RBM39: variants seen among roughly 807,000 people sequenced by gnomAD.
The protein encoded by RBM39 is RNA-binding protein 39.
In RBM39, 12 loss-of-function variants were observed where a neutral mutation model predicts 79.6. That is an observed-to-expected ratio of 0.15 (90% CI 0.10 to 0.24). The LOEUF is 0.24. RBM39 is among the 10% of genes least tolerant of loss of function. The probability of loss-of-function intolerance (pLI) is 1.00; values close to 1 mark genes in which losing one functional copy is unlikely to be tolerated. For missense variants in RBM39, 243 were observed against 653.4 expected (o/e 0.37, Z 6.85); for synonymous variants, 185 against 208.4 (o/e 0.89, Z 0.97).
At chr20:35,731,431 T>A (rs1263795872) in intron 4 of RBM39, 2 of 153,252 alleles carry the variant, frequency 1.3e-5, no homozygotes, top group African/African-American at 4.8e-5. Flanking sequence ...AGGATCTTTA[T>A]CAATGAGCAT....
rs111686906 is a variant in RBM39 at position 35,711,686 on chromosome 20, A to G, written c.1174+1333T>C. Among the ~76,000 whole-genome samples the G allele has an allele frequency of 7.2e-5, 11 of 152,354 alleles. 1 individual carries two copies. Among genetic ancestry groups the G allele is most frequent in the African/African-American group, 2.6e-4 (11 of 41,574 alleles). On this transcript the variant is annotated intron_variant, in intron 12 of 16. Transcript: ENST00000253363. ...TAAGAAGGCAAAACAGTGAAAAAAT[A>G]AATGTAAAAACAAAAGTCGTCTTCT...
intron 8 of RBM39, among the ~76,000 whole-genome samples, chr20:35,723,304 T>C (rs903688339): frequency 7.2e-5 from 11 of 152,054 alleles, no homozygotes; most frequent in African/African-American, 2.4e-4. Flanking sequence ...TAGAGTACAT[T>C]GGATAGTACT....
rs139163674 is a variant in RBM39 at position 35,726,069 on chromosome 20, C to T, written c.417-914G>A. ...ACTAAGGTTTACTGTTTCTTGTAAT[C>T]ACATCTTACATGGCATTAGCACAGA... is the stretch of plus-strand genomic sequence containing the variant. On this transcript the variant is annotated intron_variant, in intron 6 of 16. Coordinates refer to ENST00000253363, the MANE Select transcript of RBM39 (RefSeq NM_184234.3). Among the ~76,000 whole-genome samples, 19 of 152,322 alleles carry T rather than the reference C, an allele frequency of 1.2e-4. No homozygotes were observed. In the East Asian group the frequency reaches 3.5e-3, roughly 28 times the overall value.
chr20:35,722,445 GTTTA>G (rs1349327976), intron 8 of RBM39, among the ~76,000 whole-genome samples: 12 of 129,474 alleles, frequency 9.3e-5, no homozygotes, highest in African/African-American at 3.3e-4. Flanking sequence ...AAAATAAAAA[GTTTA>G]TTTAGAGGCT....
At chr20:35,730,460 T>G (rs773903643) in intron 4 of RBM39, among the ~76,000 whole-genome samples, 1 of 152,184 alleles carries the variant, frequency 6.6e-6, no homozygotes, top group Non-Finnish European at 1.5e-5. Context: ...TAAAACACTT[T>G]ATATTAACTT....
chr20:35,707,823 T>G, intron 13 of RBM39: 1 of 442,550 alleles, frequency 2.3e-6, no homozygotes, highest in Non-Finnish European at 4.6e-6. Context: ...ATGTGTAATA[T>G]CCACTACTAC....
At chr20:35,736,448 G>A (rs1439104185) in intron 3 of RBM39, 2 of 312,598 alleles carry the variant, frequency 6.4e-6, no homozygotes, top group South Asian at 2.8e-5. Context: ...AAAAATAGTG[G>A]CTTAACAAGC....
At position 35,702,021 on chromosome 20, in the gene RBM39, CTCA is replaced by C. The variant is rs2035307608; in HGVS notation, c.*2457_*2459del. 1 of 152,168 alleles carries C rather than the reference CTCA, an allele frequency of 6.6e-6. No individual in the cohort carries two copies. The highest frequency in any genetic ancestry group is 1.5e-5 in the Non-Finnish European group (1 of 68,020). 9.4% of individuals were successfully genotyped at this position (152,168 alleles called of 1,614,324 possible). A position where few individuals can be genotyped will look rare whatever the true frequency, so the allele number is the denominator to read the frequency against. On this transcript the variant is annotated 3_prime_UTR_variant, in exon 17 of 17. Coordinates refer to ENST00000253363, the MANE Select transcript of RBM39 (RefSeq NM_184234.3). The stretch of plus-strand genomic sequence containing the variant: ...TAAATTCCAGATGATTTTCTAACCA[CTCA>C]TCAACAATCTATATAGCTTGCCCTC...
chr20:35,709,330 A>G, intron 12 of RBM39, 56 bp from the exon 13 acceptor site: 6 of 1,435,546 alleles, frequency 4.2e-6, no homozygotes, highest in Admixed American at 4.2e-5. Context: ...AAATGTCAGG[A>G]AAGCATTAAT....
At chr20:35,727,969 G>T (rs1028606876) in intron 6 of RBM39, among the ~76,000 whole-genome samples, 1 of 151,976 alleles carries the variant, frequency 6.6e-6, no homozygotes, top group African/African-American at 2.4e-5. Context: ...TGTAGTTTTA[G>T]TAGAGGCAGG....
At position 35,705,229 on chromosome 20, in the gene RBM39, G is replaced by A. The variant is rs369474908; in HGVS notation, c.1409C>T (p.Ala470Val). ...VIHIYVDKNS[A>V]QGNVYVKCPS... ...TATAAAAAAAGATGAAAATACCTGAGCTGAATTTTTGTCAACATAAATATG... is the reference window on the plus strand; with the variant it reads ...TATAAAAAAAGATGAAAATACCTGAACTGAATTTTTGTCAACATAAATATG... Residue 470 changes from alanine (A) to valine (V), a missense_variant, in exon 15 of 17, where the codon GCT becomes GTT. Around this residue, in one of 4 missense-constraint regions of RBM39, gnomAD observed 48 missense variants for 130.2 expected, o/e 0.37. Coordinates refer to ENST00000253363, the MANE Select transcript of RBM39 (RefSeq NM_184234.3). 1.3e-6 allele frequency: 2 copies of A among 1,534,990 alleles called. No homozygotes were observed. The highest frequency in any genetic ancestry group is 1.8e-6 in the Non-Finnish European group (2 of 1,131,782).
At chr20:35,737,848 CAAAAAAAAAAA>C (rs35300439) in intron 3 of RBM39, among the ~76,000 whole-genome samples, 2 of 40,428 alleles carry the variant, frequency 4.9e-5, no homozygotes, top group African/African-American at 8.0e-5. Flanking sequence ...GACTCCGTGT[CAAAAAAAAAAA>C]AAAAAAAAAA....
chr20:35,725,256 G>A, intron 6 of RBM39, 101 bp from the exon 7 acceptor site: 1 of 787,352 alleles, frequency 1.3e-6, no homozygotes, highest in Non-Finnish European at 2.0e-6. Context: ...TTCAGGTACA[G>A]GTGGGTTTTG....
rs1181050445 is a variant in RBM39 at position 35,703,841 on chromosome 20, C to A, written c.*640G>T. 2.0e-5 allele frequency: 3 copies of A among 152,320 alleles called. No homozygotes were observed. The highest frequency in any genetic ancestry group is 7.2e-5 in the African/African-American group (3 of 41,436). 9.4% of individuals were successfully genotyped at this position (152,320 alleles called of 1,614,324 possible). On this transcript the variant is annotated 3_prime_UTR_variant, in exon 17 of 17. Transcript: ENST00000253363. ...GACTGCTTTGCCTACCAGACTCTCA[C>A]GTTTAAACATCTTCAGGAAATGCAG...
rs985625873 is a variant in RBM39, at chr20:35,702,248, A to T, written c.*2233T>A. On this transcript the variant is annotated 3_prime_UTR_variant, in exon 17 of 17. Coordinates refer to ENST00000253363, the MANE Select transcript of RBM39 (RefSeq NM_184234.3). ...TGAACACTTTGGAACACTGACAGGC[A>T]GGAGGAAATTAAGGACATTACCAGA... is the stretch of plus-strand genomic sequence containing the variant. 6.6e-6 allele frequency: 1 copy of T among 152,342 alleles called. No homozygotes were observed. Among genetic ancestry groups the T allele is most frequent in the East Asian group, 1.9e-4 (1 of 5,192 alleles). The allele number at this position is 152,342 out of a possible 1,614,324, so 9.4% of individuals were successfully genotyped here.
intron 6 of RBM39, among the ~76,000 whole-genome samples, chr20:35,727,468 C>G (rs899065358): frequency 2.0e-5 from 3 of 150,626 alleles, no homozygotes; most frequent in Admixed American, 6.6e-5. Context: ...AAATCGTAGA[C>G]TGAACAAATA....
chr20:35,741,030 C>CTTTTTTCTTTTT (rs2040449629), intron 1 of RBM39, 143 bp from the exon 2 acceptor site: 1 of 118,628 alleles, frequency 8.4e-6, no homozygotes, highest in African/African-American at 5.2e-5. Flanking sequence ...AAACATTTTT[C>CTTTTTTCTTTTT]TTTTTTTTTT....
At chr20:35,724,814 T>TA (rs1425797194) in intron 7 of RBM39, 92 bp from the exon 8 acceptor site, 1 of 1,424,540 alleles carries the variant, frequency 7.0e-7, no homozygotes. Context: ...AAGGTATTTT[T>TA]AAAAATTTAA....
At chr20:35,727,943 C>T (rs1445239360) in intron 6 of RBM39, among the ~76,000 whole-genome samples, 4 of 152,132 alleles carry the variant, frequency 2.6e-5, no homozygotes, top group East Asian at 1.9e-4. Context: ...GCCACCACCA[C>T]GCCTGGCCTA....
Sources: allele counts gnomAD v4.1 joint callset (sites outside exome capture counted in the v4.1 genomes callset), GRCh38; gene constraint gnomAD v4.1.1; regional missense constraint gnomAD v4.1.1; transcripts MANE v1.5; gene names NCBI Gene and HGNC (gene_info 2026-07-23, HGNC 2026-07-21).